The following ADGRL3 variants were observed in gnomAD, a reference collection of about 807,000 sequenced individuals.
The protein encoded by ADGRL3 is adhesion G protein-coupled receptor L3, also known as calcium-independent alpha-latrotoxin receptor 3.
Under a neutral mutation model 153.5 loss-of-function variants are expected in ADGRL3, and 62 were observed. The observed-to-expected ratio is 0.40, with a 90% CI of 0.33 to 0.50. The LOEUF (loss-of-function observed/expected upper bound fraction) is 0.50. ADGRL3 is among the 20% of genes least tolerant of loss of function. The pLI is 0.47. For missense variants in ADGRL3, 1,641 were observed against 1,859.4 expected, an observed-to-expected ratio of 0.88 and a Z score of 2.16; for synonymous variants, 710 against 672.5, an observed-to-expected ratio of 1.06 and a Z score of -0.86.
intron 2 of ADGRL3, among the ~76,000 whole-genome samples, chr4:61,402,711 TC>T (rs2096944616): frequency 6.6e-6 from 1 of 152,040 alleles, no homozygotes. Flanking sequence ...CCTTCTTCCC[TC>T]CAGCAGAGTG....
rs555502246 is a variant in ADGRL3, at chr4:61,936,183, C to G, written c.2419+138C>G. The stretch of plus-strand genomic sequence containing the variant: ...CCTACACTATTCTCTTTCTCCTCCT[C>G]TTCCTCCTCTTTCTACTGTACAGCA... On this transcript the variant is annotated intron_variant, in intron 15 of 26. Coordinates refer to ENST00000683033, the MANE Select transcript of ADGRL3 (RefSeq NM_001387552.1). The G allele has an allele frequency of 1.4e-4, 119 of 879,856 alleles. 2 individuals are homozygous for G. The African/African-American group carries it at 1.6e-3, about 11-fold the overall frequency. 54.5% of individuals were successfully genotyped at this position (879,856 alleles called of 1,614,324 possible).
At chr4:61,911,192 C>G (rs2098720367) in intron 12 of ADGRL3, among the ~76,000 whole-genome samples, 1 of 152,080 alleles carries the variant, frequency 6.6e-6, no homozygotes, top group Admixed American at 6.6e-5. Context: ...ATTAATGTTA[C>G]ATATCCATAA....
chr4:61,479,489 G>T (rs2152727333), intron 2 of ADGRL3, among the ~76,000 whole-genome samples: 1 of 152,186 alleles, frequency 6.6e-6, no homozygotes, highest in South Asian at 2.1e-4. Context: ...TCTGCCCACT[G>T]ATAGGAATGA....
chr4:61,490,526 AAAG>A (rs912419662), intron 2 of ADGRL3, among the ~76,000 whole-genome samples: 1 of 152,142 alleles, frequency 6.6e-6, no homozygotes, highest in Admixed American at 6.6e-5. Flanking sequence ...TGAAAATATT[AAAG>A]AAGATGATTG....
chr4:61,410,345 T>C (rs763932029), intron 2 of ADGRL3, among the ~76,000 whole-genome samples: 7 of 152,132 alleles, frequency 4.6e-5, no homozygotes, highest in Non-Finnish European at 1.0e-4. Flanking sequence ...ATCACATTGC[T>C]TTTTTCCCTT....
At chr4:61,983,782 T>C (rs1041211865) in intron 19 of ADGRL3, among the ~76,000 whole-genome samples, 179 bp downstream of exon 19, 2 of 152,174 alleles carry the variant, frequency 1.3e-5, no homozygotes, top group African/African-American at 4.8e-5. Context: ...TTGAGACTTA[T>C]CATGATGCTG....
chr4:61,398,923 A>G (rs1461798190), intron 2 of ADGRL3, among the ~76,000 whole-genome samples: 2 of 151,612 alleles, frequency 1.3e-5, no homozygotes, highest in Non-Finnish European at 3.0e-5. Context: ...AACTTCCCAC[A>G]ACCCCCACCA....
At chr4:61,851,473 C>T (rs1257579040) in intron 9 of ADGRL3, among the ~76,000 whole-genome samples, 10 of 151,314 alleles carry the variant, frequency 6.6e-5, no homozygotes, top group African/African-American at 2.4e-4. Context: ...CCTATAGTCC[C>T]AGCTACTTGA....
rs529719564 is a variant in ADGRL3, at chr4:61,510,763, A to G, written c.56-6552A>G. Among the ~76,000 whole-genome samples, 6 of 152,262 alleles carry G rather than the reference A, an allele frequency of 3.9e-5. No individual in the cohort carries two copies. In the South Asian group the frequency reaches 1.2e-3, roughly 32 times the overall value. On this transcript the variant is annotated intron_variant, in intron 3 of 26. Transcript: ENST00000683033. The stretch of plus-strand genomic sequence containing the variant: ...TGGGGCTCTTTTTTGATTCCACAGG[A>G]ATTTTACAATAGTTTTTTTCTAATT...
chr4:61,931,761 T>A (rs967558927), intron 13 of ADGRL3, among the ~76,000 whole-genome samples: 1 of 152,148 alleles, frequency 6.6e-6, no homozygotes, highest in South Asian at 2.1e-4. Context: ...ATTTGGCAAT[T>A]GTTTGGGCTT....
At chr4:61,981,657 C>T (rs1221042540) in intron 18 of ADGRL3, among the ~76,000 whole-genome samples, 1 of 151,350 alleles carries the variant, frequency 6.6e-6, no homozygotes, top group Non-Finnish European at 1.5e-5. Context: ...TTTTGTGAGC[C>T]AGTTTCAGTT....
At chr4:61,342,599 C>G (rs991382539) in intron 1 of ADGRL3, among the ~76,000 whole-genome samples, 2 of 152,082 alleles carry the variant, frequency 1.3e-5, no homozygotes, top group Non-Finnish European at 2.9e-5. Flanking sequence ...ACAAGCCGTG[C>G]TCTTTTGAGA....
intron 17 of ADGRL3, among the ~76,000 whole-genome samples, chr4:61,971,189 G>T (rs2150659167): frequency 6.7e-6 from 1 of 149,782 alleles, no homozygotes; most frequent in Non-Finnish European, 1.5e-5. Flanking sequence ...TAAGTTTTAG[G>T]GTACATGTGC....
At chr4:62,003,683 G>C (rs913446645) in intron 21 of ADGRL3, among the ~76,000 whole-genome samples, 3 of 152,088 alleles carry the variant, frequency 2.0e-5, no homozygotes, top group African/African-American at 7.2e-5. Context: ...TGTTTTTAAT[G>C]GTGAAGCTTT....
intron 1 of ADGRL3, among the ~76,000 whole-genome samples, chr4:61,297,888 T>C (rs568165354): frequency 6.6e-6 from 1 of 152,202 alleles, no homozygotes; most frequent in East Asian, 1.9e-4. Context: ...TGACCACTAT[T>C]ACAGTATCAT....
chr4:61,968,620 C>G (rs2099015362), intron 17 of ADGRL3, among the ~76,000 whole-genome samples: 1 of 152,112 alleles, frequency 6.6e-6, no homozygotes, highest in Non-Finnish European at 1.5e-5. Flanking sequence ...TCCAGAAAGT[C>G]AAAAGGCCCA....
rs751139929 is a variant in ADGRL3, at chr4:61,598,647, AAC to A, written c.473+11211_473+11212del. Among the ~76,000 whole-genome samples, 165 of 152,318 alleles carry A rather than the reference AAC, an allele frequency of 1.1e-3. 1 individual carries two copies. The highest frequency in any genetic ancestry group is 6.8e-3 in the Middle Eastern group (2 of 294). Reference sequence around the variant, plus strand: ...CTGTTGGCATCCATGTGAACACACAAACACATTTACACACATACGAGTGAGAT... The same window carrying A: ...CTGTTGGCATCCATGTGAACACACAAACATTTACACACATACGAGTGAGAT... On this transcript the variant is annotated intron_variant, in intron 5 of 26. Transcript: ENST00000683033.
At chr4:61,283,874 G>C (rs11131320) in intron 1 of ADGRL3, among the ~76,000 whole-genome samples, 1 of 151,926 alleles carries the variant, frequency 6.6e-6, no homozygotes, top group Non-Finnish European at 1.5e-5. Context: ...TTGAAAGGGC[G>C]CTGCCCAAAG....
At chr4:61,372,665 G>A (rs2096549980) in intron 1 of ADGRL3, among the ~76,000 whole-genome samples, 1 of 152,208 alleles carries the variant, frequency 6.6e-6, no homozygotes, top group Admixed American at 6.5e-5. Flanking sequence ...GTCTGCAGAG[G>A]TTACTGCTGT....
Sources: allele counts gnomAD v4.1 joint callset (sites outside exome capture counted in the v4.1 genomes callset), GRCh38; gene constraint gnomAD v4.1.1; transcripts MANE v1.5; gene names NCBI Gene and HGNC (gene_info 2026-07-23, HGNC 2026-07-21).